The following TACC1 variants were observed in gnomAD, a reference collection of about 807,000 sequenced individuals.
TACC1 encodes the protein transforming acidic coiled-coil containing protein 1.
A neutral mutation model predicts 84.4 loss-of-function variants in TACC1; 48 were observed. The observed-to-expected ratio is 0.57, with a 90% CI of 0.45 to 0.72. TACC1 has a LOEUF of 0.72. Among genes scored for constraint, TACC1 ranks in the 30% least tolerant of loss-of-function variants. TACC1 has a pLI of 0.00. For missense variants in TACC1, 920 were observed against 973.0 expected, an observed-to-expected ratio of 0.95 and a Z score of 0.72; for synonymous variants, 372 against 376.3, an observed-to-expected ratio of 0.99 and a Z score of 0.13.
chr8:38,835,900 C>T (rs1222937251), intron 6 of TACC1, among the ~76,000 whole-genome samples: 1 of 152,212 alleles, frequency 6.6e-6, no homozygotes, highest in East Asian at 1.9e-4. Context: ...TATAAGTACA[C>T]TTTCTCCCTT....
In TACC1 at chr8:38,825,295, C is replaced by A. The variant is rs1264117544; in HGVS notation, c.1392-13C>A. The A allele has an allele frequency of 3.7e-6, 6 of 1,614,074 alleles. No individual in the cohort carries two copies. In the East Asian group the frequency reaches 1.1e-4, roughly 30 times the overall value. ...ATTGCAAACTGGCTTGTTTGTGTTT[C>A]TTCTCTTTCCAGGAGTGGCTGTAAG... On this transcript the variant is annotated splice_polypyrimidine_tract_variant and intron_variant, in intron 3 of 12. Coordinates refer to ENST00000317827, the MANE Select transcript of TACC1 (RefSeq NM_006283.3).
intron 12 of TACC1, among the ~76,000 whole-genome samples, 190 bp downstream of exon 12, chr8:38,847,009 T>C (rs1235860327): frequency 6.6e-6 from 1 of 152,236 alleles, no homozygotes; most frequent in Admixed American, 6.5e-5. Context: ...AAGCACATCA[T>C]GTGGAAATCA....
chr8:38,828,586 G>T (rs1207388822), intron 5 of TACC1, among the ~76,000 whole-genome samples: 1 of 152,188 alleles, frequency 6.6e-6, no homozygotes, highest in Non-Finnish European at 1.5e-5. Context: ...CTTGGTGTCT[G>T]TGTCTTTCAG....
At chr8:38,787,147 C>T, upstream of TACC1, 2 of 984,132 alleles carry the variant, frequency 2.0e-6, no homozygotes, top group Non-Finnish European at 2.4e-6. Flanking sequence ...CGCCCCCGCG[C>T]GCGCGCGCGA....
chr8:38,842,569 A>G, intron 10 of TACC1, 122 bp downstream of exon 10: 2 of 1,098,858 alleles, frequency 1.8e-6, no homozygotes, highest in Non-Finnish European at 1.3e-6. Flanking sequence ...CTCAGGGCCT[A>G]CTGGCCTTGT....
At chr8:38,827,024 C>G in intron 4 of TACC1, 144 bp from the exon 5 acceptor site, 1 of 645,882 alleles carries the variant, frequency 1.5e-6, no homozygotes, top group Non-Finnish European at 2.6e-6. Flanking sequence ...ACTCCAACTT[C>G]CTCCTTGCTT....
intron 6 of TACC1, among the ~76,000 whole-genome samples, chr8:38,832,664 C>T (rs1829490724): frequency 6.6e-6 from 1 of 152,180 alleles, no homozygotes; most frequent in African/African-American, 2.4e-5. Flanking sequence ...GTCAGTCTCT[C>T]CTTGCTTTTC....
chr8:38,795,223 G>A (rs535605556), intron 2 of TACC1, among the ~76,000 whole-genome samples: 35 of 152,342 alleles, frequency 2.3e-4, no homozygotes, highest in African/African-American at 6.7e-4. Context: ...ACTTGTGAGA[G>A]TGCAGAACCA....
chr8:38,769,654 TGTGAGAGA>T (rs1176517613), intron 3 of TACC1, among the ~76,000 whole-genome samples: 2 of 139,334 alleles, frequency 1.4e-5, no homozygotes, highest in African/African-American at 5.5e-5. Flanking sequence ...GGTGTGTGTG[TGTGAGAGA>T]GAGACTGGGT....
At chr8:38,735,370 G>T (rs1805759768) in intron 1 of TACC1, among the ~76,000 whole-genome samples, 1 of 152,086 alleles carries the variant, frequency 6.6e-6, no homozygotes, top group South Asian at 2.1e-4. Context: ...TTTCCATTTG[G>T]CCTTAGAAAT....
intron 6 of TACC1, among the ~76,000 whole-genome samples, chr8:38,833,832 G>A (rs1829729166): frequency 6.6e-6 from 1 of 152,128 alleles, no homozygotes; most frequent in South Asian, 2.1e-4. Context: ...TTAACCTGGG[G>A]ACTCTGGCTT....
chr8:38,729,982 ACCT>A lies in TACC1; in HGVS notation c.-675+1316_-675+1318del, dbSNP rs1463062302. On this transcript the variant is annotated intron_variant, in intron 1 of 14. Coordinates refer to the TACC1 transcript ENST00000518415. Reference sequence around the variant, plus strand: ...AGCGTGGAGCCTGGGGGCACCAGGGACCTCCTCTTCCCACTTCCAACAAAGTAG... The same window carrying A: ...AGCGTGGAGCCTGGGGGCACCAGGGACCTCTTCCCACTTCCAACAAAGTAG... Among the ~76,000 whole-genome samples the A allele has an allele frequency of 2.6e-5, 4 of 152,228 alleles. No homozygotes were observed. The East Asian group carries it at 7.7e-4, about 29-fold the overall frequency.
intron 2 of TACC1, among the ~76,000 whole-genome samples, chr8:38,796,511 ATAT>A (rs1820024414): frequency 6.6e-6 from 1 of 152,278 alleles, no homozygotes; most frequent in African/African-American, 2.4e-5. Flanking sequence ...AACTTGGCAC[ATAT>A]TATTCTGAAG....
chr8:38,738,694 C>T (rs1280077758), intron 1 of TACC1, among the ~76,000 whole-genome samples: 2 of 151,432 alleles, frequency 1.3e-5, no homozygotes, highest in South Asian at 2.1e-4. Context: ...TCTGGTTCTA[C>T]AAGATACTCC....
intron 1 of TACC1, among the ~76,000 whole-genome samples, chr8:38,736,531 G>A (rs558067220): frequency 1.7e-4 from 26 of 152,152 alleles, no homozygotes; most frequent in Non-Finnish European, 3.7e-4. Context: ...TAGGAGGATC[G>A]CTTGAGCTCA....
In TACC1 at chr8:38,848,889, G is replaced by C. The variant is rs1361511423; in HGVS notation, c.*866G>C. 1 of 151,974 alleles carries C rather than the reference G, an allele frequency of 6.6e-6. No homozygotes were observed. Among genetic ancestry groups the C allele is most frequent in the Non-Finnish European group, 1.5e-5 (1 of 68,012 alleles). 9.4% of individuals were successfully genotyped at this position (151,974 alleles called of 1,614,324 possible). Reference sequence around the variant, plus strand: ...CTCCCTCCAAGCTAGGGTTTGGCAAGTCTGCCCTAGAGTCATTTACTCTCC... The same window carrying C: ...CTCCCTCCAAGCTAGGGTTTGGCAACTCTGCCCTAGAGTCATTTACTCTCC... On this transcript the variant is annotated 3_prime_UTR_variant, in exon 13 of 13. Transcript: ENST00000317827.
chr8:38,823,542 G>A (rs951632844), intron 3 of TACC1, among the ~76,000 whole-genome samples: 1 of 152,040 alleles, frequency 6.6e-6, no homozygotes, highest in Non-Finnish European at 1.5e-5. Flanking sequence ...CTTTATATTC[G>A]GCAGCAAGAA....
chr8:38,843,238 A>C (rs2152326574), intron 10 of TACC1, 51 bp from the exon 11 acceptor site: 1 of 1,296,610 alleles, frequency 7.7e-7, no homozygotes, highest in African/African-American at 1.5e-5. Context: ...TATGTGGTAG[A>C]TTAGAAGAAA....
intron 3 of TACC1, among the ~76,000 whole-genome samples, chr8:38,764,719 C>T (rs1270433814): frequency 1.3e-5 from 2 of 152,068 alleles, no homozygotes; most frequent in African/African-American, 4.8e-5. Flanking sequence ...GTAATCCTAG[C>T]ACTTTGGGAG....
Sources: gnomAD v4.1 joint callset for allele counts (sites outside exome capture counted in the v4.1 genomes callset) on GRCh38, gnomAD v4.1.1 for gene constraint, MANE v1.5 for transcripts, NCBI Gene and HGNC (gene_info 2026-07-23, HGNC 2026-07-21) for gene names.